The following POLE variants were observed in gnomAD, a reference collection of about 807,000 sequenced individuals.
POLE encodes DNA polymerase epsilon, catalytic subunit, also known as DNA polymerase epsilon catalytic subunit A.
A neutral mutation model predicts 279.2 loss-of-function variants in POLE; 188 were observed. The ratio of observed to expected loss-of-function variants is 0.67; its 90% CI spans 0.60 to 0.76. The LOEUF is 0.76. Ranked by LOEUF, POLE falls within the 30% of genes least tolerant of loss-of-function variation. The pLI is 0.00. For synonymous variants in POLE, 1,214 were observed against 1,172.5 expected (o/e 1.04, Z -0.72); for missense variants, 2,703 against 3,016.7 (o/e 0.90, Z 2.44).
chr12:132,654,675 C>T (rs942646178), intron 29 of POLE, among the ~76,000 whole-genome samples: 3 of 152,040 alleles, frequency 2.0e-5, no homozygotes, highest in Non-Finnish European at 2.9e-5. Flanking sequence ...GCCTATAGTC[C>T]CAGCTATGCA....
rs1478884636 is a variant in POLE, at chr12:132,675,308, A to C, written c.1226+90T>G. The stretch of plus-strand genomic sequence containing the variant: ...GCCTCTCGGAGGCCACCCTCCTCCC[A>C]TGAGATGTGGTGACAGCACAGTCTG... On this transcript the variant is annotated intron_variant, in intron 12 of 48. Transcript: ENST00000320574. The surrounding 1 kb of genome is among the most constrained non-coding windows in gnomAD (Gnocchi z 4.3). 2.6e-6 allele frequency: 4 copies of C among 1,510,806 alleles called. No homozygotes were observed. Among genetic ancestry groups the C allele is most frequent in the African/African-American group, 1.4e-5 (1 of 72,660 alleles). The allele number at this position is 1,510,806 out of a possible 1,614,324, so 93.6% of individuals were successfully genotyped here. A position where few individuals can be genotyped will look rare whatever the true frequency, so the allele number is the denominator to read the frequency against.
intron 32 of POLE, among the ~76,000 whole-genome samples, chr12:132,644,327 T>TG (rs1370738876): frequency 1.4e-5 from 2 of 146,716 alleles, no homozygotes; most frequent in Admixed American, 6.7e-5. Flanking sequence ...GGATGGCTTT[T>TG]TTTTTTTTTT....
chr12:132,630,063 T>A (rs936756717), intron 45 of POLE, among the ~76,000 whole-genome samples: 8 of 152,204 alleles, frequency 5.3e-5, no homozygotes, highest in African/African-American at 1.9e-4. Context: ...CACACAACAT[T>A]GATGAAGCTC....
rs2138475576 is a variant in POLE, at chr12:132,634,359, C to T, written c.5831G>A (p.Gly1944Glu). The T allele has an allele frequency of 6.2e-7, 1 of 1,613,548 alleles. No individual in the cohort carries two copies. Among genetic ancestry groups the T allele is most frequent in the Non-Finnish European group, 8.5e-7 (1 of 1,179,590 alleles). ...ATTTTCCTGCTCATCCTCTGCTCCC[C>T]CTGCTTTCTGGGAGTCTTGCTGTAA... ...HCGLQDSQKA[G>E]GAEDEQENED... Residue 1944 changes from glycine (G) to glutamate (E), a missense_variant, in exon 43 of 49, where the codon GGG becomes GAG. Coordinates refer to ENST00000320574, the MANE Select transcript of POLE (RefSeq NM_006231.4). The surrounding 1 kb of genome is among the most constrained non-coding windows in gnomAD (Gnocchi z 4.0).
At chr12:132,663,902 TG>T in intron 23 of POLE, 101 bp downstream of exon 23, 1 of 1,242,604 alleles carries the variant, frequency 8.0e-7, no homozygotes, top group South Asian at 1.3e-5. Context: ...CAGTGCTGGG[TG>T]CCAGGAAGGC....
intron 32 of POLE, among the ~76,000 whole-genome samples, chr12:132,646,772 C>T (rs891633423): frequency 1.4e-4 from 21 of 150,508 alleles, no homozygotes; most frequent in African/African-American, 4.2e-4. Flanking sequence ...GCGGAGGTTG[C>T]GGTGAGCCGA....
chr12:132,625,900 A>G (rs1593696868), intron 46 of POLE, 130 bp from the exon 47 acceptor site: 1 of 1,307,666 alleles, frequency 7.6e-7, no homozygotes, highest in South Asian at 1.4e-5. Context: ...GTGCAGCTGC[A>G]CGCACTCTGG....
rs5744908 is a variant in POLE at position 132,648,706 on chromosome 12, G to A, written c.4149+223C>T. The A allele has an allele frequency of 5.6e-3, 2,645 of 474,226 alleles. 64 individuals carry two copies. Among genetic ancestry groups the A allele is most frequent in the African/African-American group, 0.045 (2,314 of 51,132 alleles). 29.4% of individuals were successfully genotyped at this position (474,226 alleles called of 1,614,324 possible). A position where few individuals can be genotyped will look rare whatever the true frequency, so the allele number is the denominator to read the frequency against. ...GGTTTGTCCCCGCAACATGGACCTCGCGGGCAGACAAGCTCATCGTGACAA... is the reference window on the plus strand; with the variant it reads ...GGTTTGTCCCCGCAACATGGACCTCACGGGCAGACAAGCTCATCGTGACAA... On this transcript the variant is annotated intron_variant, in intron 32 of 48. Coordinates refer to ENST00000320574, the MANE Select transcript of POLE (RefSeq NM_006231.4).
rs955450843 is a variant in POLE at position 132,668,280 on chromosome 12, C to A, written c.2173+76G>T. 1 of 1,480,666 alleles carries A rather than the reference C, an allele frequency of 6.8e-7. No individual in the cohort carries two copies. The highest frequency in any genetic ancestry group is 1.4e-5 in the South Asian group (1 of 70,520). The allele number at this position is 1,480,666 out of a possible 1,614,324, so 91.7% of individuals were successfully genotyped here. ...CTCTGGGGCCCCAGCTGGGATGGAC[C>A]AACGCAGCCCAGTAAGAACAGAAAG... is the stretch of plus-strand genomic sequence containing the variant. On this transcript the variant is annotated intron_variant, in intron 19 of 48. Coordinates refer to ENST00000320574, the MANE Select transcript of POLE (RefSeq NM_006231.4). This position sits in a 1 kb window ranked among gnomAD's most constrained non-coding sequence, Gnocchi z 4.0.
Position 132,657,303 on chromosome 12 carries a change from GCA to G in POLE, c.3459+44_3459+45del, listed in dbSNP as rs758788717. 5.7e-5 allele frequency: 92 copies of G among 1,613,918 alleles called. No individual in the cohort carries two copies. The highest frequency in any genetic ancestry group is 1.6e-4 in the Middle Eastern group (1 of 6,084). ...ATCAGAGAGAGACCCTTGTCTAACT[GCA>G]CAGTTTTTAGCCCCACAGCCCGTGC... On this transcript the variant is annotated intron_variant, in intron 28 of 48. Coordinates refer to ENST00000320574, the MANE Select transcript of POLE (RefSeq NM_006231.4).
Position 132,677,385 on chromosome 12 carries a change from C to A in POLE, c.779G>T (p.Arg260Leu). The change falls in exon 8 of 49, where the codon CGA (arginine) becomes CTA (leucine). Residue 260 changes from arginine to leucine, a missense_variant. Around this residue, in one of 5 missense-constraint regions of POLE, gnomAD observed 1,011 missense variants for 1,111.7 expected, o/e 0.91. Coordinates refer to ENST00000320574, the MANE Select transcript of POLE (RefSeq NM_006231.4). ...TACAGGTCGTTCAACAAGGTCATCT[C>A]GGCGGGTGATTTCTACCGGAAAAGC... ...GNAFPVEITR[R>L]DDLVERPDPV... 6.2e-7 allele frequency: 1 copy of A among 1,614,008 alleles called. No homozygotes were observed. The highest frequency in any genetic ancestry group is 1.1e-5 in the South Asian group (1 of 91,084).
rs2042838804 is a variant in POLE, at chr12:132,668,210, A to C, written c.2173+146T>G. 1 of 845,166 alleles carries C rather than the reference A, an allele frequency of 1.2e-6. No individual in the cohort carries two copies. The highest frequency in any genetic ancestry group is 1.8e-6 in the Non-Finnish European group (1 of 568,810). The allele number at this position is 845,166 out of a possible 1,614,324, so 52.4% of individuals were successfully genotyped here. A position where few individuals can be genotyped will look rare whatever the true frequency, so the allele number is the denominator to read the frequency against. On this transcript the variant is annotated intron_variant, in intron 19 of 48. Coordinates refer to ENST00000320574, the MANE Select transcript of POLE (RefSeq NM_006231.4). The surrounding 1 kb of genome is among the most constrained non-coding windows in gnomAD (Gnocchi z 4.0). ...ATAAAGGACCCTGCAGTGAGAGCAC[A>C]GCTTACAGTGACCTAGAGCAGCTTC...
intron 33 of POLE, 110 bp from the exon 34 acceptor site, chr12:132,643,670 T>G: frequency 6.6e-7 from 1 of 1,523,230 alleles, no homozygotes; most frequent in Non-Finnish European, 9.0e-7. Flanking sequence ...CCCGGCCCAC[T>G]GCCCAAAGGC....
At position 132,676,185 on chromosome 12, in the gene POLE, C is replaced by T; in HGVS notation, c.929G>A (p.Arg310Lys). ...TTCAATATCTTCTGAAACAATCTCC[C>T]TGTTGGTGATGAGGTAGCCCTAGCC... ...IDGQGYLITNREIVSEDIEDF... is the reference protein window; with the variant it reads ...IDGQGYLITNKEIVSEDIEDF... The change falls in exon 10 of 49, where the codon AGG becomes AAG. Residue 310 changes from arginine to lysine, a missense_variant. Physicochemically the swap from Arg to Lys is conservative, Grantham distance 26 (BLOSUM62 2). Transcript: ENST00000320574. 6.2e-7 allele frequency: 1 copy of T among 1,613,288 alleles called. No homozygotes were observed. The highest frequency in any genetic ancestry group is 8.5e-7 in the Non-Finnish European group (1 of 1,179,638).
chr12:132,630,976 T>C (rs1445851627), intron 45 of POLE, among the ~76,000 whole-genome samples: 3 of 152,206 alleles, frequency 2.0e-5, no homozygotes, highest in Non-Finnish European at 4.4e-5. Context: ...AATTGAAATT[T>C]ATGTTCACAC....
At chr12:132,671,779 C>A (rs1216156115) in intron 16 of POLE, among the ~76,000 whole-genome samples, 3 of 150,908 alleles carry the variant, frequency 2.0e-5, no homozygotes, top group African/African-American at 7.3e-5. Flanking sequence ...ACATAACACA[C>A]TTTGTAAGTG....
intron 41 of POLE, 129 bp from the exon 42 acceptor site, chr12:132,636,153 A>C (rs2042028175): frequency 3.2e-6 from 3 of 940,256 alleles, no homozygotes; most frequent in Non-Finnish European, 4.6e-6. Flanking sequence ...CATTCAGACC[A>C]CATCATCCCT....
chr12:132,647,519 C>A (rs1023852853), intron 32 of POLE, among the ~76,000 whole-genome samples: 1 of 151,600 alleles, frequency 6.6e-6, no homozygotes, highest in Non-Finnish European at 1.5e-5. Context: ...TCTACCTGAT[C>A]TGCACAAAGC....
chr12:132,664,144 G>A lies in POLE; in HGVS notation c.2566C>T (p.Pro856Ser), dbSNP rs1555226454. Residue 856 changes from proline (P) to serine (S), a missense_variant, in exon 23 of 49, where the codon CCC becomes TCC. Around this residue, in one of 5 missense-constraint regions of POLE, gnomAD observed 21 missense variants for 51.9 expected, o/e 0.40. Coordinates refer to ENST00000320574, the MANE Select transcript of POLE (RefSeq NM_006231.4). This position sits in a 1 kb window ranked among gnomAD's most constrained non-coding sequence, Gnocchi z 5.3. ...ATACCATCTGTGTCCAGCTCTAAGG[G>A]CCTCCTTCAGAGAAAGAGAGGAGCA... is the stretch of plus-strand genomic sequence containing the variant. ...ARELIEQIGR[P>S]LELDTDGIWC... The A allele has an allele frequency of 6.2e-7, 1 of 1,613,946 alleles. No individual in the cohort carries two copies. The highest frequency in any genetic ancestry group is 8.5e-7 in the Non-Finnish European group (1 of 1,179,988).
Sources: allele counts gnomAD v4.1 joint callset (sites outside exome capture counted in the v4.1 genomes callset), GRCh38; gene constraint gnomAD v4.1.1; regional missense constraint gnomAD v4.1.1; non-coding constraint Gnocchi (gnomAD v3.1); transcripts MANE v1.5; gene names NCBI Gene and HGNC (gene_info 2026-07-23, HGNC 2026-07-21).